WASHC4: variants seen among roughly 807,000 people sequenced by gnomAD.
WASHC4 encodes WASH complex subunit 7.
A neutral mutation model predicts 166.6 loss-of-function variants in WASHC4; 86 were observed. That is an observed-to-expected ratio of 0.52 (90% CI 0.43 to 0.62). WASHC4 has a LOEUF of 0.62. Among genes scored for constraint, WASHC4 ranks in the 20% least tolerant of loss-of-function variants. The pLI is 0.00. For synonymous variants in WASHC4, 446 were observed against 451.6 expected (o/e 0.99, Z 0.16); for missense variants, 1,262 against 1,382.4 (o/e 0.91, Z 1.38).
Position 105,157,235 on chromosome 12 carries a change from G to C in WASHC4, c.2826-1G>C. 1 of 1,459,062 alleles carries C rather than the reference G, an allele frequency of 6.9e-7. No homozygotes were observed. Among genetic ancestry groups the C allele is most frequent in the Non-Finnish European group, 9.6e-7 (1 of 1,042,038 alleles). The allele number at this position is 1,459,062 out of a possible 1,614,324, so 90.4% of individuals were successfully genotyped here. On this transcript the variant is annotated splice_acceptor_variant, in intron 27 of 32. Coordinates refer to ENST00000332180, the MANE Select transcript of WASHC4 (RefSeq NM_015275.3). LOFTEE classifies it high-confidence loss of function. ...AAATGCCTTCCCAAATTCTTATGTAGATTTGTTCCTGATCTTGAAGATATT... is the reference window on the plus strand; with the variant it reads ...AAATGCCTTCCCAAATTCTTATGTACATTTGTTCCTGATCTTGAAGATATT...
At chr12:105,164,034 G>A in intron 30 of WASHC4, 77 bp from the exon 31 acceptor site, 1 of 1,268,536 alleles carries the variant, frequency 7.9e-7, no homozygotes, top group Non-Finnish European at 1.1e-6. Context: ...GCTTAGTGTT[G>A]GGAATTATTG....
intron 14 of WASHC4, among the ~76,000 whole-genome samples, chr12:105,135,903 A>G (rs561812746): frequency 4.4e-4 from 67 of 152,154 alleles, no homozygotes; most frequent in African/African-American, 1.6e-3. Flanking sequence ...CTTACCTTTT[A>G]TATACCCAGT....
At chr12:105,159,791 A>C (rs921863551) in intron 28 of WASHC4, among the ~76,000 whole-genome samples, 3 of 152,232 alleles carry the variant, frequency 2.0e-5, no homozygotes, top group African/African-American at 7.2e-5. Flanking sequence ...ATGTTCTAAT[A>C]GTCTATTTTT....
At chr12:105,125,922 A>G in intron 10 of WASHC4, 82 bp from the exon 11 acceptor site, 2 of 1,315,380 alleles carry the variant, frequency 1.5e-6, no homozygotes, top group Non-Finnish European at 2.1e-6. Context: ...TTTATCATAC[A>G]CTGTATTTAG....
At position 105,148,748 on chromosome 12, in the gene WASHC4, T is replaced by C. The variant is rs1883507963; in HGVS notation, c.2515-867T>C. 5.1e-6 allele frequency: 5 copies of C among 985,272 alleles called. No individual in the cohort carries two copies. In the African/African-American group the frequency reaches 7.0e-5, roughly 14 times the overall value. 61.0% of individuals were successfully genotyped at this position (985,272 alleles called of 1,614,324 possible). Reference sequence around the variant, plus strand: ...GGCACAAATTTGTCAAAATCATTAGTAATACTTGAGAGTTAGTGGGGTTGG... The same window carrying C: ...GGCACAAATTTGTCAAAATCATTAGCAATACTTGAGAGTTAGTGGGGTTGG... On this transcript the variant is annotated intron_variant, in intron 24 of 32. Coordinates refer to ENST00000332180, the MANE Select transcript of WASHC4 (RefSeq NM_015275.3).
At chr12:105,112,550 G>C (rs1879797638) in intron 2 of WASHC4, among the ~76,000 whole-genome samples, 1 of 152,080 alleles carries the variant, frequency 6.6e-6, no homozygotes. Flanking sequence ...ACTGCATGAG[G>C]GTTCCAGTTT....
intron 13 of WASHC4, among the ~76,000 whole-genome samples, chr12:105,131,135 G>A (rs1232340128): frequency 6.7e-6 from 1 of 149,466 alleles, no homozygotes; most frequent in Non-Finnish European, 1.5e-5. Flanking sequence ...GTTGGACTGC[G>A]GACTGCAGTG....
At position 105,121,076 on chromosome 12, in the gene WASHC4, A is replaced by G. The variant is rs374028975; in HGVS notation, c.562-25A>G. The G allele has an allele frequency of 6.0e-6, 9 of 1,511,280 alleles. No individual in the cohort carries two copies. In the African/African-American group the frequency reaches 9.6e-5, roughly 16 times the overall value. 93.6% of individuals were successfully genotyped at this position (1,511,280 alleles called of 1,614,324 possible). The stretch of plus-strand genomic sequence containing the variant: ...TTAACTTCTAACTAGTGACTAAATG[A>G]TAATCATTAAAGGTTTTTTGACAGA... On this transcript the variant is annotated intron_variant, in intron 8 of 32. Coordinates refer to ENST00000332180, the MANE Select transcript of WASHC4 (RefSeq NM_015275.3).
At position 105,113,472 on chromosome 12, in the gene WASHC4, C is replaced by T. The variant is rs571637944; in HGVS notation, c.202-744C>T. Among the ~76,000 whole-genome samples the T allele has an allele frequency of 3.9e-5, 6 of 152,094 alleles. No homozygotes were observed. In the East Asian group the frequency reaches 9.6e-4, roughly 24 times the overall value. ...ACTCCATCTCCGCAGTTGCTCTCTT[C>T]GGAACCTCTGTTTAAGTTCTATTAT... On this transcript the variant is annotated intron_variant, in intron 2 of 32. Coordinates refer to ENST00000332180, the MANE Select transcript of WASHC4 (RefSeq NM_015275.3).
At chr12:105,109,713 C>T (rs1879475102) in intron 1 of WASHC4, among the ~76,000 whole-genome samples, 2 of 149,254 alleles carry the variant, frequency 1.3e-5, no homozygotes, top group African/African-American at 5.0e-5. Flanking sequence ...GTGGCATCGC[C>T]ACGGCTCACT....
chr12:105,121,761 C>G (rs1422663991), intron 9 of WASHC4, among the ~76,000 whole-genome samples: 1 of 152,214 alleles, frequency 6.6e-6, no homozygotes, highest in African/African-American at 2.4e-5. Context: ...CCGCCTTGGC[C>G]TCCCAAAGTG....
chr12:105,153,114 A>G (rs1160957296), intron 26 of WASHC4, among the ~76,000 whole-genome samples: 1 of 152,238 alleles, frequency 6.6e-6, no homozygotes, highest in African/African-American at 2.4e-5. Context: ...TCTGGGACTT[A>G]AACCAGGGTT....
intron 2 of WASHC4, among the ~76,000 whole-genome samples, chr12:105,112,407 A>C (rs1306392067): frequency 6.6e-6 from 1 of 152,150 alleles, no homozygotes; most frequent in East Asian, 1.9e-4. Flanking sequence ...ATGTGTGTAC[A>C]TTGTGTGTAT....
intron 13 of WASHC4, among the ~76,000 whole-genome samples, chr12:105,130,108 A>G (rs1881663480): frequency 1.3e-5 from 2 of 152,216 alleles, no homozygotes; most frequent in South Asian, 2.1e-4. Flanking sequence ...TTAAACAACT[A>G]GTAGGTGGCA....
At chr12:105,150,957 CCA>C (rs1487249726) in intron 25 of WASHC4, among the ~76,000 whole-genome samples, 6 of 152,008 alleles carry the variant, frequency 3.9e-5, no homozygotes, top group Non-Finnish European at 7.4e-5. Context: ...TCAGTTATCT[CCA>C]CCTGGTCCCT....
Position 105,115,247 on chromosome 12 carries a change from A to G in WASHC4, c.367+18A>G. On this transcript the variant is annotated intron_variant, in intron 5 of 32. Transcript: ENST00000332180. ...AGAAGGAGGTAAGTTTAAAATTCCA[A>G]ATTGTGATGCCTTTTTGATATTGAA... The G allele has an allele frequency of 6.7e-7, 1 of 1,490,858 alleles. No homozygotes were observed. 92.4% of individuals were successfully genotyped at this position (1,490,858 alleles called of 1,614,324 possible).
intron 15 of WASHC4, among the ~76,000 whole-genome samples, chr12:105,138,896 C>T (rs1293045342): frequency 6.6e-6 from 1 of 152,064 alleles, no homozygotes; most frequent in Non-Finnish European, 1.5e-5. Context: ...TACCCACTGT[C>T]CCACTTAAGA....
intron 19 of WASHC4, 64 bp from the exon 20 acceptor site, chr12:105,143,063 C>T (rs1883001752): frequency 4.3e-6 from 4 of 939,676 alleles, no homozygotes; most frequent in Non-Finnish European, 5.2e-6. Flanking sequence ...TTAACTTTTG[C>T]AGTATTGTTT....
chr12:105,121,292 A>C, intron 9 of WASHC4, 88 bp downstream of exon 9: 3 of 806,270 alleles, frequency 3.7e-6, no homozygotes, highest in Non-Finnish European at 6.2e-6. Flanking sequence ...AATAATACAG[A>C]TTTTCTAAAA....
Sources: gnomAD v4.1 joint callset for allele counts (sites outside exome capture counted in the v4.1 genomes callset) on GRCh38, gnomAD v4.1.1 for gene constraint, MANE v1.5 for transcripts, NCBI Gene and HGNC (gene_info 2026-07-23, HGNC 2026-07-21) for gene names.